NLGN1: variants seen among roughly 807,000 people sequenced by gnomAD.
NLGN1 encodes neuroligin 1, also known as neuroligin-1.
NLGN1 carries 12 observed loss-of-function variants against 65.5 expected under a neutral mutation model. That is an observed-to-expected ratio of 0.18 (90% CI 0.12 to 0.30). NLGN1 has a LOEUF of 0.30. Ranked by LOEUF, NLGN1 falls within the 10% of genes least tolerant of loss-of-function variation. The pLI is 1.00. For synonymous variants in NLGN1, 350 were observed against 359.5 expected, an observed-to-expected ratio of 0.97 and a Z score of 0.30; for missense variants, 750 against 1,007.1, an observed-to-expected ratio of 0.74 and a Z score of 3.46.
intron 3 of NLGN1, among the ~76,000 whole-genome samples, chr3:173,693,896 A>G (rs1315519839): frequency 3.3e-5 from 5 of 152,166 alleles, no homozygotes; most frequent in Non-Finnish European, 7.4e-5. Flanking sequence ...ATAAACTATT[A>G]ATACACAGAT....
intron 3 of NLGN1, among the ~76,000 whole-genome samples, chr3:173,773,901 A>G (rs573932012): frequency 6.6e-6 from 1 of 152,330 alleles, no homozygotes; most frequent in African/African-American, 2.4e-5. Context: ...ATGGAGTTTA[A>G]GCTGTACTTT....
intron 4 of NLGN1, among the ~76,000 whole-genome samples, chr3:174,126,140 G>A (rs979185804): frequency 2.0e-5 from 3 of 152,080 alleles, no homozygotes; most frequent in African/African-American, 7.2e-5. Context: ...TGCCACTAGA[G>A]CCTTCACCTT....
chr3:173,741,369 C>T (rs779919385), intron 3 of NLGN1, among the ~76,000 whole-genome samples: 7 of 152,106 alleles, frequency 4.6e-5, no homozygotes, highest in South Asian at 4.1e-4. Context: ...TATATACCTA[C>T]TATGTGCCAG....
chr3:174,179,208 T>A, intron 4 of NLGN1, among the ~76,000 whole-genome samples: 1 of 152,108 alleles, frequency 6.6e-6, no homozygotes, highest in East Asian at 1.9e-4. Context: ...AAAGCCTAGA[T>A]AAGATTAAAT....
rs566901785 is a variant in NLGN1, at chr3:173,754,702, T to C, written c.494-52978T>C. 2.0e-5 allele frequency among the ~76,000 whole-genome samples: 3 copies of C among 152,178 alleles called. No individual in the cohort carries two copies. The South Asian group carries it at 6.2e-4, about 32-fold the overall frequency. On this transcript the variant is annotated intron_variant, in intron 3 of 6. Transcript: ENST00000457714. ...CACAAATCCGACTAATGCAGAAAAA[T>C]AAATATTCAAATACATTGTCCAAGT...
At position 173,735,636 on chromosome 3, in the gene NLGN1, G is replaced by A. The variant is rs548114417; in HGVS notation, c.494-72044G>A. Among the ~76,000 whole-genome samples the A allele has an allele frequency of 3.0e-4, 45 of 151,864 alleles. 1 individual carries two copies. Among genetic ancestry groups the A allele is most frequent in the Non-Finnish European group, 6.2e-4 (42 of 68,008 alleles). On this transcript the variant is annotated intron_variant, in intron 3 of 6. Coordinates refer to ENST00000457714, the Ensembl canonical transcript of NLGN1. ...CTCAAATCTGCATAGAGATAAGTTT[G>A]GAGAGGAGCAGAGTCCCTTTGGGGA...
At chr3:174,209,421 A>G (rs1736026131) in intron 4 of NLGN1, among the ~76,000 whole-genome samples, 2 of 152,236 alleles carry the variant, frequency 1.3e-5, no homozygotes, top group South Asian at 4.1e-4. Context: ...CATAAAAATA[A>G]TATTCATCCC....
intron 1 of NLGN1, among the ~76,000 whole-genome samples, chr3:173,416,107 T>A (rs2148670493): frequency 6.6e-6 from 1 of 152,284 alleles, no homozygotes. Context: ...ACTTTGTTTC[T>A]ATATAACACT....
In NLGN1 at chr3:173,461,790, C is replaced by T. The variant is rs73036263; in HGVS notation, c.-321+26712C>T. 8.2e-3 allele frequency among the ~76,000 whole-genome samples: 1,248 copies of T among 152,196 alleles called. 24 individuals are homozygous for T. Among genetic ancestry groups the T allele is most frequent in the African/African-American group, 0.029 (1,205 of 41,548 alleles). On this transcript the variant is annotated intron_variant, in intron 2 of 6. Transcript: ENST00000457714. ...AAATCTCTCTTCTTCCCTGGTTTCT[C>T]GTTTTGCCTCCTCACCTACTTTTTC...
chr3:174,251,147 T>A (rs997285408), intron 4 of NLGN1, among the ~76,000 whole-genome samples: 1 of 152,184 alleles, frequency 6.6e-6, no homozygotes, highest in Non-Finnish European at 1.5e-5. Context: ...TATTTATAAC[T>A]GTAAAATATT....
chr3:173,913,645 A>G (rs773601005), intron 4 of NLGN1, among the ~76,000 whole-genome samples: 4 of 152,052 alleles, frequency 2.6e-5, no homozygotes, highest in Non-Finnish European at 5.9e-5. Context: ...ACTATTATCT[A>G]CTCTGGCAAG....
At chr3:174,056,249 G>C (rs761708713) in intron 4 of NLGN1, among the ~76,000 whole-genome samples, 3 of 151,934 alleles carry the variant, frequency 2.0e-5, no homozygotes, top group African/African-American at 7.2e-5. Context: ...GTGATGTAAT[G>C]AGTATGTTGG....
chr3:173,544,675 A>T (rs1739467614), intron 2 of NLGN1, among the ~76,000 whole-genome samples: 1 of 152,182 alleles, frequency 6.6e-6, no homozygotes, highest in African/African-American at 2.4e-5. Flanking sequence ...CCAGGAAAAA[A>T]ATAAGTTAAA....
chr3:173,743,427 T>C (rs1774932374), intron 3 of NLGN1, among the ~76,000 whole-genome samples: 1 of 152,142 alleles, frequency 6.6e-6, no homozygotes, highest in Non-Finnish European at 1.5e-5. Context: ...TTATATTTTC[T>C]TCTTTGAACA....
Position 173,960,210 on chromosome 3 carries a change from C to T in NLGN1, c.646+152378C>T, listed in dbSNP as rs114934467. 6.2e-3 allele frequency among the ~76,000 whole-genome samples: 941 copies of T among 152,066 alleles called. 13 individuals are homozygous for T. The highest frequency in any genetic ancestry group is 0.02 in the African/African-American group (814 of 41,518). ...AGTGTATTCATTACTTCCTACAATACGGGCTCTCTTTTTGCTTTTCTTGTT... is the reference window on the plus strand; with the variant it reads ...AGTGTATTCATTACTTCCTACAATATGGGCTCTCTTTTTGCTTTTCTTGTT... On this transcript the variant is annotated intron_variant, in intron 4 of 6. Coordinates refer to ENST00000457714, the Ensembl canonical transcript of NLGN1.
At chr3:173,991,087 T>C (rs1200584421) in intron 4 of NLGN1, among the ~76,000 whole-genome samples, 1 of 152,118 alleles carries the variant, frequency 6.6e-6, no homozygotes, top group African/African-American at 2.4e-5. Flanking sequence ...ATAGTTTATA[T>C]TAGGGTTCAC....
intron 3 of NLGN1, chr3:173,644,780 A>C (rs1757987438): frequency 6.5e-6 from 1 of 153,476 alleles, no homozygotes; most frequent in Non-Finnish European, 1.5e-5. Context: ...AAAGAGACCA[A>C]GCTGGTGTAT....
intron 2 of NLGN1, among the ~76,000 whole-genome samples, chr3:173,603,208 C>T (rs1750825942): frequency 6.6e-6 from 1 of 152,148 alleles, no homozygotes; most frequent in African/African-American, 2.4e-5. Context: ...AAAGTAAGCA[C>T]TTCAAAAGGT....
chr3:173,904,212 A>G (rs1162088348), intron 4 of NLGN1, among the ~76,000 whole-genome samples: 4 of 152,148 alleles, frequency 2.6e-5, no homozygotes, highest in African/African-American at 9.6e-5. Flanking sequence ...TTAAAATAAA[A>G]GAGGTATGAT....
Sources: gnomAD v4.1 joint callset for allele counts (sites outside exome capture counted in the v4.1 genomes callset) on GRCh38, gnomAD v4.1.1 for gene constraint, MANE v1.5 for transcripts, NCBI Gene and HGNC (gene_info 2026-07-23, HGNC 2026-07-21) for gene names.